The following OGG1 variants were observed in gnomAD, a reference collection of about 807,000 sequenced individuals.
The protein encoded by OGG1 is N-glycosylase/DNA lyase.
Under a neutral mutation model 42.3 loss-of-function variants are expected in OGG1, and 35 were observed. That is an observed-to-expected ratio of 0.83 (90% CI 0.63 to 1.10). OGG1 has a LOEUF of 1.10. Ranked by LOEUF, OGG1 falls within the 50% of genes least tolerant of loss-of-function variation. OGG1 has a pLI of 0.00. For missense variants in OGG1, 484 were observed against 446.7 expected, an observed-to-expected ratio of 1.08 and a Z score of -0.75; for synonymous variants, 189 against 179.0, an observed-to-expected ratio of 1.06 and a Z score of -0.44.
At chr3:9,777,693 C>T (rs542807587) in intron 2 of OGG1, among the ~76,000 whole-genome samples, 5 of 152,170 alleles carry the variant, frequency 3.3e-5, no homozygotes, top group African/African-American at 1.2e-4. Context: ...TAGGGTTCTT[C>T]TTTCTATTTA....
chr3:9,769,536 G>A (rs1444682287), downstream of OGG1, among the ~76,000 whole-genome samples: 1 of 151,952 alleles, frequency 6.6e-6, no homozygotes, highest in Non-Finnish European at 1.5e-5. Flanking sequence ...AGTACACTCC[G>A]CAAGCCCCCC....
At chr3:9,761,907 C>T, downstream of OGG1, 2 of 1,224,752 alleles carry the variant, frequency 1.6e-6, no homozygotes, top group South Asian at 3.2e-5. Flanking sequence ...AGGAAGCTCT[C>T]AAGAAGGCCA....
At chr3:9,786,749 C>T (rs766958136) in intron 3 of OGG1, among the ~76,000 whole-genome samples, 9 of 152,156 alleles carry the variant, frequency 5.9e-5, no homozygotes, top group Non-Finnish European at 1.3e-4. Flanking sequence ...AGTAATGTTT[C>T]ATTTTGTAAT....
At chr3:9,754,907 G>A (rs1200321406) in intron 4 of OGG1, 22 bp downstream of exon 4, 1 of 1,562,396 alleles carries the variant, frequency 6.4e-7, no homozygotes. Flanking sequence ...GGGGGTAGGA[G>A]CTGCCCTCTC....
intron 3 of OGG1, chr3:9,786,873 C>T (rs944604142): frequency 1.3e-6 from 1 of 748,806 alleles, no homozygotes; most frequent in East Asian, 2.5e-5. Flanking sequence ...ATATATTAGT[C>T]CAGGTTTTTA....
chr3:9,786,297 G>A (rs1472038622), intron 3 of OGG1, among the ~76,000 whole-genome samples: 2 of 152,164 alleles, frequency 1.3e-5, no homozygotes, highest in African/African-American at 4.8e-5. Context: ...ACCTTGTGCA[G>A]ACTGCAAGGC....
At chr3:9,767,867 C>G, downstream of OGG1, 2 of 1,476,278 alleles carry the variant, frequency 1.4e-6, no homozygotes, top group Admixed American at 2.3e-5. Context: ...GTCATTCAAC[C>G]TGCATTTATT....
At chr3:9,787,797 G>C in exon 4 of OGG1, 1 of 1,024,550 alleles carries the variant, frequency 9.8e-7, no homozygotes, top group African/African-American at 1.7e-5. Context: ...GCACAAAGGA[G>C]AGACTGACTA....
chr3:9,764,628 G>T (rs112300812), intron 7 of OGG1, among the ~76,000 whole-genome samples: 11,738 of 92,032 alleles, frequency 0.13, 926 homozygotes, highest in East Asian at 0.34. Context: ...TTTTTTTTTT[G>T]TTTTTTTTTT....
At position 9,754,796 on chromosome 3, in the gene OGG1, G is replaced by C. The variant is rs1406730713; in HGVS notation, c.658G>C (p.Gly220Arg). Reference protein sequence around the residue: ...ASARAILEEQGGLAWLQQLRE... With the variant: ...ASARAILEEQRGLAWLQQLRE... ...TGCCCGAGCCATCCTGGAAGAACAG[G>C]GCGGGCTAGCCTGGCTGCAGCAGCT... is the stretch of plus-strand genomic sequence containing the variant. The change falls in exon 4 of 7, where the codon GGC becomes CGC. Residue 220 changes from glycine (G) to arginine (R), a missense_variant. Gly to Arg is a moderately radical substitution (Grantham distance 125). Coordinates refer to ENST00000344629, the MANE Select transcript of OGG1 (RefSeq NM_002542.6). The C allele has an allele frequency of 1.2e-6, 2 of 1,613,782 alleles. No individual in the cohort carries two copies. Among genetic ancestry groups the C allele is most frequent in the Admixed American group, 3.3e-5 (2 of 59,976 alleles).
rs777285045 is a variant in OGG1, at chr3:9,751,787, C to G, written c.403C>G (p.Gln135Glu). Residue 135 changes from glutamine (Q) to glutamate (E), a missense_variant, in exon 3 of 7, where the codon CAA (glutamine) becomes GAA (glutamate). Gln to Glu is a conservative substitution (Grantham distance 29). Coordinates refer to ENST00000344629, the MANE Select transcript of OGG1 (RefSeq NM_002542.6). ...QKFQGVRLLR[Q>E]DPIECLFSFI... ...GTCTCCAGGTGTGCGACTGCTGCGA[C>G]AAGACCCCATCGAATGCCTTTTCTC... The G allele has an allele frequency of 6.2e-7, 1 of 1,614,220 alleles. No homozygotes were observed. Among genetic ancestry groups the G allele is most frequent in the East Asian group, 2.2e-5 (1 of 44,890 alleles).
intron 2 of OGG1, 78 bp downstream of exon 2, chr3:9,751,270 A>C (rs749474069): frequency 8.9e-6 from 13 of 1,459,594 alleles, no homozygotes; most frequent in Admixed American, 1.9e-5. Flanking sequence ...GCCACCTGTA[A>C]AATGGGGATT....
intron 2 of OGG1, among the ~76,000 whole-genome samples, chr3:9,775,916 A>G (rs1258130973): frequency 6.6e-6 from 1 of 152,168 alleles, no homozygotes; most frequent in East Asian, 1.9e-4. Context: ...CTGGGATTAC[A>G]GGTGTGAGCC....
At chr3:9,779,442 A>G (rs748673041) in intron 2 of OGG1, among the ~76,000 whole-genome samples, 80 of 151,798 alleles carry the variant, frequency 5.3e-4, no homozygotes, top group Non-Finnish European at 8.7e-4. Flanking sequence ...ACAGCCAGAG[A>G]AGGACTCACC....
chr3:9,787,049 G>A (rs2078630738), intron 3 of OGG1: 1 of 1,614,200 alleles, frequency 6.2e-7, no homozygotes, highest in East Asian at 2.2e-5. Context: ...GGCACCAAAG[G>A]GGCATCCATC....
rs757104714 is a variant in OGG1 at position 9,751,866 on chromosome 3, G to A, written c.482G>A (p.Arg161Gln). Residue 161 changes from arginine to glutamine, a missense_variant, in exon 3 of 7, where the codon CGG becomes CAG. Arg to Gln is a conservative substitution (Grantham distance 43). Coordinates refer to ENST00000344629, the MANE Select transcript of OGG1 (RefSeq NM_002542.6). ...GCCCGCATCACTGGCATGGTGGAGC[G>A]GCTGTGCCAGGCTTTTGGACCTCGG... ...NIARITGMVE[R>Q]LCQAFGPRLI... 40 of 1,614,014 alleles carry A rather than the reference G, an allele frequency of 2.5e-5. No individual in the cohort carries two copies. The highest frequency in any genetic ancestry group is 3.1e-5 in the Non-Finnish European group (36 of 1,180,022).
intron 3 of OGG1, among the ~76,000 whole-genome samples, chr3:9,782,733 G>A (rs776384848): frequency 6.6e-6 from 1 of 150,474 alleles, no homozygotes; most frequent in Non-Finnish European, 1.5e-5. Context: ...GGAGGTTGCA[G>A]TGAGCCGAGA....
rs1056686204 is a variant in OGG1, at chr3:9,750,153, G to A, written c.-134G>A. On this transcript the variant is annotated 5_prime_UTR_variant, in exon 1 of 7. Coordinates refer to ENST00000344629, the MANE Select transcript of OGG1 (RefSeq NM_002542.6). Reference sequence around the variant, plus strand: ...GGAGGTGGAGGAATTAAGTGAAACAGGGAAGGTTGTTAAACAGCACCGTGT... The same window carrying A: ...GGAGGTGGAGGAATTAAGTGAAACAAGGAAGGTTGTTAAACAGCACCGTGT... 1 of 1,150,014 alleles carries A rather than the reference G, an allele frequency of 8.7e-7. No homozygotes were observed. Among genetic ancestry groups the A allele is most frequent in the African/African-American group, 1.5e-5 (1 of 64,826 alleles). 71.2% of individuals were successfully genotyped at this position (1,150,014 alleles called of 1,614,324 possible). A position where few individuals can be genotyped will look rare whatever the true frequency, so the allele number is the denominator to read the frequency against.
At chr3:9,756,137 T>C (rs1014400496) in intron 4 of OGG1, among the ~76,000 whole-genome samples, 3 of 152,008 alleles carry the variant, frequency 2.0e-5, no homozygotes, top group Admixed American at 6.6e-5. Flanking sequence ...GCCAACATGG[T>C]GAAACCCCAT....
Sources: gnomAD v4.1 joint callset for allele counts (sites outside exome capture counted in the v4.1 genomes callset) on GRCh38, gnomAD v4.1.1 for gene constraint, MANE v1.5 for transcripts, NCBI Gene and HGNC (gene_info 2026-07-23, HGNC 2026-07-21) for gene names.